The following TRIM9 variants were observed in gnomAD, a reference collection of about 807,000 sequenced individuals.
The protein encoded by TRIM9 is tripartite motif containing 9.
A neutral mutation model predicts 78.3 loss-of-function variants in TRIM9; 26 were observed. That is an observed-to-expected ratio of 0.33 (90% CI 0.24 to 0.46). TRIM9 has a LOEUF of 0.46. Among genes scored for constraint, TRIM9 ranks in the 20% least tolerant of loss-of-function variants. TRIM9 has a pLI of 1.00. For missense variants in TRIM9, 787 were observed against 1,036.4 expected, an observed-to-expected ratio of 0.76 and a Z score of 3.30; for synonymous variants, 398 against 416.5, an observed-to-expected ratio of 0.96 and a Z score of 0.54.
chr14:51,067,885 T>C (rs1259696373), intron 1 of TRIM9, among the ~76,000 whole-genome samples: 2 of 152,240 alleles, frequency 1.3e-5, no homozygotes, highest in East Asian at 3.8e-4. Flanking sequence ...GTTATGGCTA[T>C]TTCTTCCAAC....
intron 1 of TRIM9, among the ~76,000 whole-genome samples, chr14:51,059,184 A>G (rs933253706): frequency 2.6e-5 from 4 of 152,234 alleles, no homozygotes; most frequent in African/African-American, 9.6e-5. Context: ...CACCGATCAG[A>G]AAACAGAGGA....
intron 1 of TRIM9, chr14:51,090,954 T>G (rs896995642): frequency 6.6e-6 from 1 of 152,220 alleles, no homozygotes; most frequent in South Asian, 2.1e-4. Flanking sequence ...GATTTAGGAA[T>G]GTGAACTGCT....
chr14:51,005,475 T>C lies in TRIM9; in HGVS notation c.1306+3605A>G, dbSNP rs1052185480. ...ACTTCAGTACCATGACTCATGAATC[T>C]TGGGATTCTTTGTGTACTTAGACAA... On this transcript the variant is annotated intron_variant, in intron 5 of 12. Coordinates refer to ENST00000684578, the MANE Select transcript of TRIM9 (RefSeq NM_001387360.1). Among the ~76,000 whole-genome samples, 6 of 152,302 alleles carry C rather than the reference T, an allele frequency of 3.9e-5. No individual in the cohort carries two copies. In the East Asian group the frequency reaches 9.6e-4, roughly 24 times the overall value.
chr14:51,075,774 G>C (rs1024915957), intron 1 of TRIM9, among the ~76,000 whole-genome samples: 9 of 152,144 alleles, frequency 5.9e-5, no homozygotes, highest in African/African-American at 2.2e-4. Flanking sequence ...GGGTCTGATC[G>C]ATCTGAATTT....
intron 1 of TRIM9, among the ~76,000 whole-genome samples, chr14:51,073,647 G>A (rs964953459): frequency 6.6e-6 from 1 of 152,188 alleles, no homozygotes; most frequent in Non-Finnish European, 1.5e-5. Context: ...TGGGCGCTCT[G>A]GACTGGAAGG....
intron 1 of TRIM9, among the ~76,000 whole-genome samples, chr14:51,079,574 G>T (rs1054215536): frequency 3.3e-5 from 5 of 152,166 alleles, no homozygotes; most frequent in African/African-American, 9.7e-5. Context: ...GACATTACAG[G>T]TTATTGAGCA....
intron 1 of TRIM9, among the ~76,000 whole-genome samples, chr14:51,033,139 G>C (rs2058871489): frequency 6.6e-6 from 1 of 152,104 alleles, no homozygotes; most frequent in African/African-American, 2.4e-5. Flanking sequence ...GCCCAGGCTG[G>C]AGTGCAGTGG....
intron 1 of TRIM9, among the ~76,000 whole-genome samples, chr14:51,047,018 T>C (rs2059999708): frequency 6.6e-6 from 1 of 152,168 alleles, no homozygotes; most frequent in African/African-American, 2.4e-5. Flanking sequence ...AAACTTAAGA[T>C]AGAGTCACCT....
intron 1 of TRIM9, among the ~76,000 whole-genome samples, chr14:51,069,325 C>T (rs996442483): frequency 1.3e-5 from 2 of 152,170 alleles, no homozygotes; most frequent in Non-Finnish European, 2.9e-5. Context: ...GGTGATTTTC[C>T]TCCTAGAGGA....
chr14:50,997,925 G>GA lies in TRIM9; in HGVS notation c.1603+124dup. 3 of 1,514,504 alleles carry GA rather than the reference G, an allele frequency of 2.0e-6. No homozygotes were observed. The South Asian group carries it at 3.9e-5, about 20-fold the overall frequency. 93.8% of individuals were successfully genotyped at this position (1,514,504 alleles called of 1,614,324 possible). ...AGGAGAGGAACAGCGGCTCTGTGCA[G>GA]AATGCAGAGCAAGTCATGGAAACAC... On this transcript the variant is annotated intron_variant, in intron 7 of 12. Coordinates refer to ENST00000684578, the MANE Select transcript of TRIM9 (RefSeq NM_001387360.1).
chr14:51,050,712 G>A (rs1477672682), intron 1 of TRIM9, among the ~76,000 whole-genome samples: 1 of 152,058 alleles, frequency 6.6e-6, no homozygotes, highest in Non-Finnish European at 1.5e-5. Flanking sequence ...GCTTCTGGCT[G>A]GCTTCTTCTC....
chr14:51,061,115 A>T (rs2061320138), intron 1 of TRIM9, among the ~76,000 whole-genome samples: 1 of 152,140 alleles, frequency 6.6e-6, no homozygotes, highest in Non-Finnish European at 1.5e-5. Flanking sequence ...TTGTCATTTT[A>T]AAAAATTGGA....
At chr14:51,060,406 T>C (rs2061248305) in intron 1 of TRIM9, among the ~76,000 whole-genome samples, 1 of 152,232 alleles carries the variant, frequency 6.6e-6, no homozygotes, top group Admixed American at 6.5e-5. Flanking sequence ...GTATTCTGTG[T>C]CAGCTGCTGT....
chr14:50,985,029 G>T (rs961936702), intron 8 of TRIM9, among the ~76,000 whole-genome samples: 1 of 152,122 alleles, frequency 6.6e-6, no homozygotes, highest in Non-Finnish European at 1.5e-5. Context: ...TGAGCAAAAA[G>T]AATAAAATAA....
intron 1 of TRIM9, among the ~76,000 whole-genome samples, chr14:51,089,724 C>T (rs2064131494): frequency 6.6e-6 from 1 of 151,994 alleles, no homozygotes; most frequent in Admixed American, 6.5e-5. Context: ...CTCTCTGGAC[C>T]CATGAGGAAG....
At chr14:50,984,356 C>T (rs902207111) in intron 8 of TRIM9, among the ~76,000 whole-genome samples, 1 of 152,140 alleles carries the variant, frequency 6.6e-6, no homozygotes, top group Non-Finnish European at 1.5e-5. Flanking sequence ...AAGCAACTTA[C>T]TATAAAAAAG....
In TRIM9 at chr14:51,070,907, C is replaced by G. The variant is rs150611087; in HGVS notation, c.822+23211G>C. 4.5e-3 allele frequency among the ~76,000 whole-genome samples: 687 copies of G among 152,134 alleles called. 5 individuals carry two copies. Among genetic ancestry groups the G allele is most frequent in the Non-Finnish European group, 7.7e-3 (523 of 68,012 alleles). On this transcript the variant is annotated intron_variant, in intron 1 of 12. Transcript: ENST00000684578. Reference sequence around the variant, plus strand: ...TCCTAGACGTTTTCTTTCTTTCTTTCTTTTTTTGGTGGAGATGGGAAGCAT... The same window carrying G: ...TCCTAGACGTTTTCTTTCTTTCTTTGTTTTTTTGGTGGAGATGGGAAGCAT...
intron 1 of TRIM9, among the ~76,000 whole-genome samples, chr14:51,067,614 C>T (rs2061858144): frequency 6.6e-6 from 1 of 152,200 alleles, no homozygotes; most frequent in African/African-American, 2.4e-5. Context: ...CTGTCCCTTT[C>T]ATTCCTGCCT....
chr14:51,042,136 C>T (rs115193234), intron 1 of TRIM9, among the ~76,000 whole-genome samples: 163 of 152,294 alleles, frequency 1.1e-3, no homozygotes, highest in African/African-American at 3.7e-3. Context: ...TAAATCAACT[C>T]CCTCACTCCA....
Sources: gnomAD v4.1 joint callset for allele counts (sites outside exome capture counted in the v4.1 genomes callset) on GRCh38, gnomAD v4.1.1 for gene constraint, MANE v1.5 for transcripts, NCBI Gene and HGNC (gene_info 2026-07-23, HGNC 2026-07-21) for gene names.